The following TUBA8 variants were observed in gnomAD, a reference collection of about 807,000 sequenced individuals.
The protein encoded by TUBA8 is tubulin alpha 8, also known as tubulin alpha-8 chain.
A neutral mutation model predicts 34.7 loss-of-function variants in TUBA8; 29 were observed. That is an observed-to-expected ratio of 0.84 (90% CI 0.62 to 1.14). The LOEUF (loss-of-function observed/expected upper bound fraction) is 1.14, where lower values mean the gene tolerates loss of function less well. TUBA8 is among the 50% of genes most tolerant of loss of function. The pLI, the probability that TUBA8 is intolerant of heterozygous loss-of-function variation, is 0.00. For synonymous variants in TUBA8, 226 were observed against 231.2 expected, an observed-to-expected ratio of 0.98 and a Z score of 0.21; for missense variants, 541 against 599.2, an observed-to-expected ratio of 0.90 and a Z score of 1.01.
At position 18,126,557 on chromosome 22, in the gene TUBA8, C is replaced by G. The variant is rs1343098728; in HGVS notation, c.579C>G (p.Thr193=). Reference sequence around the variant, plus strand: ...ACAACTCCATCCTGACCACCCACACCACACTGGAACATTCAGATTGTGCTT... The same window carrying G: ...ACAACTCCATCCTGACCACCCACACGACACTGGAACATTCAGATTGTGCTT... ...EPYNSILTTH[T]TLEHSDCAFM... Residue 193 remains threonine (T), a synonymous_variant, in exon 4 of 5, where the codon ACC becomes ACG. Transcript: ENST00000330423. This position sits in a 1 kb window ranked among gnomAD's most constrained non-coding sequence, Gnocchi z 4.0. 3 of 1,614,058 alleles carry G rather than the reference C, an allele frequency of 1.9e-6. No individual in the cohort carries two copies. The highest frequency in any genetic ancestry group is 2.7e-5 in the African/African-American group (2 of 74,910).
intron 1 of TUBA8, chr22:18,117,923 C>G (rs1928023631): frequency 6.6e-6 from 1 of 151,928 alleles, no homozygotes; most frequent in Non-Finnish European, 1.5e-5. Context: ...CCCTGTGTTT[C>G]CTGTGAAGTG....
rs752067950 is a variant in TUBA8, at chr22:18,126,539, C to T, written c.561C>T (p.Ser187=). Reference sequence around the variant, plus strand: ...CTGCAGTGGTGGAGCCCTACAACTCCATCCTGACCACCCACACCACACTGG... The same window carrying T: ...CTGCAGTGGTGGAGCCCTACAACTCTATCCTGACCACCCACACCACACTGG... ...VSTAVVEPYN[S]ILTTHTTLEH... is the part of the protein sequence containing the mutation. The change falls in exon 4 of 5, where the codon TCC becomes TCT. Residue 187 remains serine, a synonymous_variant. Coordinates refer to ENST00000330423, the MANE Select transcript of TUBA8 (RefSeq NM_018943.3). This position sits in a 1 kb window ranked among gnomAD's most constrained non-coding sequence, Gnocchi z 4.0. 4 of 1,614,184 alleles carry T rather than the reference C, an allele frequency of 2.5e-6. No individual in the cohort carries two copies. Among genetic ancestry groups the T allele is most frequent in the Non-Finnish European group, 2.5e-6 (3 of 1,180,048 alleles).
rs2123705692 is a variant in TUBA8, at chr22:18,126,655, A to G, written c.677A>G (p.Asn226Ser). ...GACATTGAGCGCCCTACCTATACCA[A>G]CCTCAACCGCCTCATCAGTCAGATT... ...NLDIERPTYT[N>S]LNRLISQIVS... Residue 226 changes from asparagine (N) to serine (S), a missense_variant, in exon 4 of 5, where the codon AAC becomes AGC. Physicochemically the swap from Asn to Ser is conservative, Grantham distance 46 (BLOSUM62 1). Coordinates refer to ENST00000330423, the MANE Select transcript of TUBA8 (RefSeq NM_018943.3). The surrounding 1 kb of genome is among the most constrained non-coding windows in gnomAD (Gnocchi z 4.0). 1.2e-6 allele frequency: 2 copies of G among 1,613,406 alleles called. No individual in the cohort carries two copies. The highest frequency in any genetic ancestry group is 1.7e-6 in the Non-Finnish European group (2 of 1,179,810).
intron 4 of TUBA8, chr22:18,129,566 A>G (rs1026325292): frequency 2.0e-5 from 3 of 152,130 alleles, no homozygotes; most frequent in Non-Finnish European, 4.4e-5. Flanking sequence ...ATTCATATAC[A>G]TTGCCTTTCC....
Position 18,123,949 on chromosome 22 carries a change from C to G in TUBA8, c.227-207C>G. 3.2e-6 allele frequency: 2 copies of G among 617,354 alleles called. 1 individual carries two copies. Among genetic ancestry groups the G allele is most frequent in the South Asian group, 3.7e-5 (2 of 54,254 alleles). The allele number at this position is 617,354 out of a possible 1,614,324, so 38.2% of individuals were successfully genotyped here. A position where few individuals can be genotyped will look rare whatever the true frequency, so the allele number is the denominator to read the frequency against. On this transcript the variant is annotated intron_variant, in intron 2 of 4. Coordinates refer to ENST00000330423, the MANE Select transcript of TUBA8 (RefSeq NM_018943.3). ...AGGGCAGCCTGCTTCTCACCGCCCACATGAGCCACAGGCCTTGGCTCTGTT... is the reference window on the plus strand; with the variant it reads ...AGGGCAGCCTGCTTCTCACCGCCCAGATGAGCCACAGGCCTTGGCTCTGTT...
Position 18,121,310 on chromosome 22 carries a change from T to G in TUBA8, c.4-169T>G. Reference sequence around the variant, plus strand: ...AAAACAGCTGTGTCTTCTTTGGATCTAAGTCCTGGTCCAGCTGCTATAGAG... The same window carrying G: ...AAAACAGCTGTGTCTTCTTTGGATCGAAGTCCTGGTCCAGCTGCTATAGAG... On this transcript the variant is annotated intron_variant, in intron 1 of 4. Transcript: ENST00000330423. This position sits in a 1 kb window ranked among gnomAD's most constrained non-coding sequence, Gnocchi z 4.8. 1.6e-6 allele frequency: 1 copy of G among 641,050 alleles called. No individual in the cohort carries two copies. Among genetic ancestry groups the G allele is most frequent in the Non-Finnish European group, 2.9e-6 (1 of 349,664 alleles). The allele number at this position is 641,050 out of a possible 1,614,324, so 39.7% of individuals were successfully genotyped here. A position where few individuals can be genotyped will look rare whatever the true frequency, so the allele number is the denominator to read the frequency against.
chr22:18,111,006 C>CCAAAATAA lies in TUBA8; in HGVS notation c.3+138_3+139insCAAAATAA. On this transcript the variant is annotated intron_variant, in intron 1 of 4. Coordinates refer to ENST00000330423, the MANE Select transcript of TUBA8 (RefSeq NM_018943.3). This position sits in a 1 kb window ranked among gnomAD's most constrained non-coding sequence, Gnocchi z 5.1. ...CCTTCTGGGGGTGGCAGTTCAGGGT[C>CCAAAATAA]GAGGAGTCCGCACCCTCGGGCGGGA... is the stretch of plus-strand genomic sequence containing the variant. The CCAAAATAA allele has an allele frequency of 7.6e-7, 1 of 1,320,826 alleles. No individual in the cohort carries two copies. The highest frequency in any genetic ancestry group is 1.0e-6 in the Non-Finnish European group (1 of 956,898). 81.8% of individuals were successfully genotyped at this position (1,320,826 alleles called of 1,614,324 possible). A position where few individuals can be genotyped will look rare whatever the true frequency, so the allele number is the denominator to read the frequency against.
rs1204571647 is a variant in TUBA8 at position 18,124,186 on chromosome 22, T to A, written c.257T>A (p.Leu86His). 1 of 1,614,070 alleles carries A rather than the reference T, an allele frequency of 6.2e-7. No homozygotes were observed. Among genetic ancestry groups the A allele is most frequent in the Non-Finnish European group, 8.5e-7 (1 of 1,180,032 alleles). The change falls in exon 3 of 5, where the codon CTC becomes CAC. Residue 86 changes from leucine (L) to histidine (H), a missense_variant. Leu to His is a moderately conservative substitution (Grantham distance 99). Transcript: ENST00000330423. This position sits in a 1 kb window ranked among gnomAD's most constrained non-coding sequence, Gnocchi z 4.3. The part of the protein sequence containing the change: ...DEVRAGTYRQ[L>H]FHPEQLITGK... ...GTTCGGGCAGGAACCTACCGCCAGC[T>A]CTTCCATCCAGAGCAGCTGATCACA...
chr22:18,119,206 C>T lies in TUBA8; in HGVS notation c.4-2273C>T, dbSNP rs555504231. The T allele has an allele frequency of 6.6e-6, 1 of 152,388 alleles. No individual in the cohort carries two copies. The highest frequency in any genetic ancestry group is 1.9e-4 in the East Asian group (1 of 5,184). 9.4% of individuals were successfully genotyped at this position (152,388 alleles called of 1,614,324 possible). A position where few individuals can be genotyped will look rare whatever the true frequency, so the allele number is the denominator to read the frequency against. ...CACAGCCACATGCTGAATGTGACGC[C>T]GTGGTCTGGGTGGATAACTCGCTGG... On this transcript the variant is annotated intron_variant, in intron 1 of 4. Coordinates refer to ENST00000330423, the MANE Select transcript of TUBA8 (RefSeq NM_018943.3). This position sits in a 1 kb window ranked among gnomAD's most constrained non-coding sequence, Gnocchi z 5.9.
Position 18,124,026 on chromosome 22 carries a change from G to A in TUBA8, c.227-130G>A. The A allele has an allele frequency of 9.0e-7, 1 of 1,105,910 alleles. No individual in the cohort carries two copies. The highest frequency in any genetic ancestry group is 1.3e-6 in the Non-Finnish European group (1 of 743,072). 68.5% of individuals were successfully genotyped at this position (1,105,910 alleles called of 1,614,324 possible). A position where few individuals can be genotyped will look rare whatever the true frequency, so the allele number is the denominator to read the frequency against. On this transcript the variant is annotated intron_variant, in intron 2 of 4. Transcript: ENST00000330423. This position sits in a 1 kb window ranked among gnomAD's most constrained non-coding sequence, Gnocchi z 4.3. Reference sequence around the variant, plus strand: ...TTAGCCTTTTGCAGATTCATTACGAGGTGGTCTGGCTTCAAACCTCCATGG... The same window carrying A: ...TTAGCCTTTTGCAGATTCATTACGAAGTGGTCTGGCTTCAAACCTCCATGG...
At position 18,121,776 on chromosome 22, in the gene TUBA8, A is replaced by ATCCTT; in HGVS notation, c.226+75_226+76insTCCTT. On this transcript the variant is annotated intron_variant, in intron 2 of 4. Coordinates refer to ENST00000330423, the MANE Select transcript of TUBA8 (RefSeq NM_018943.3). The surrounding 1 kb of genome is among the most constrained non-coding windows in gnomAD (Gnocchi z 4.8). Reference sequence around the variant, plus strand: ...AGGCATTGGCCCACAGTAGCTAAGGAAGCAGCGTCTCTAGCTGGAAGGTGG... The same window carrying ATCCTT: ...AGGCATTGGCCCACAGTAGCTAAGGATCCTTAGCAGCGTCTCTAGCTGGAAGGTGG... 7.0e-7 allele frequency: 1 copy of ATCCTT among 1,433,886 alleles called. No homozygotes were observed. Among genetic ancestry groups the ATCCTT allele is most frequent in the African/African-American group, 1.4e-5 (1 of 71,540 alleles). The allele number at this position is 1,433,886 out of a possible 1,614,324, so 88.8% of individuals were successfully genotyped here.
In TUBA8 at chr22:18,131,244, C is replaced by T. The variant is rs2234339; in HGVS notation, c.*108C>T. The T allele has an allele frequency of 1.5e-3, 1,921 of 1,296,322 alleles. 26 individuals carry two copies. In the African/African-American group the frequency reaches 0.024, roughly 17 times the overall value. 80.3% of individuals were successfully genotyped at this position (1,296,322 alleles called of 1,614,324 possible). A position where few individuals can be genotyped will look rare whatever the true frequency, so the allele number is the denominator to read the frequency against. ...CCGCCCCAGCCTGATTCCTGCCTTA[C>T]CCAGGAGGAGGGTGCCTGGCCCCAG... On this transcript the variant is annotated 3_prime_UTR_variant, in exon 5 of 5. Coordinates refer to ENST00000330423, the MANE Select transcript of TUBA8 (RefSeq NM_018943.3). This position sits in a 1 kb window ranked among gnomAD's most constrained non-coding sequence, Gnocchi z 5.3.
rs1451104587 is a variant in TUBA8, at chr22:18,124,528, C to CA, written c.375+225dup. On this transcript the variant is annotated intron_variant, in intron 3 of 4. Transcript: ENST00000330423. This position sits in a 1 kb window ranked among gnomAD's most constrained non-coding sequence, Gnocchi z 4.3. ...CTGTGTTCCAGGCTGAGGCCCTACTCATACTCATTGATACTCTCTGTTAGT... is the reference window on the plus strand; with the variant it reads ...CTGTGTTCCAGGCTGAGGCCCTACTCAATACTCATTGATACTCTCTGTTAGT... The CA allele has an allele frequency of 1.8e-5, 10 of 552,492 alleles. No homozygotes were observed. Among genetic ancestry groups the CA allele is most frequent in the African/African-American group, 1.5e-4 (8 of 53,190 alleles). 34.2% of individuals were successfully genotyped at this position (552,492 alleles called of 1,614,324 possible).
rs199691776 is a variant in TUBA8, at chr22:18,124,211, A to G, written c.282A>G (p.Thr94=). The change falls in exon 3 of 5, where the codon ACA becomes ACG. Residue 94 remains threonine (T), a synonymous_variant. Transcript: ENST00000330423. The surrounding 1 kb of genome is among the most constrained non-coding windows in gnomAD (Gnocchi z 4.3). ...RQLFHPEQLI[T]GKEDAANNYA... is the part of the protein sequence containing the mutation. ...TCTTCCATCCAGAGCAGCTGATCACAGGAAAGGAGGATGCAGCCAACAACT... is the reference window on the plus strand; with the variant it reads ...TCTTCCATCCAGAGCAGCTGATCACGGGAAAGGAGGATGCAGCCAACAACT... The G allele has an allele frequency of 4.5e-5, 73 of 1,614,182 alleles. No individual in the cohort carries two copies. In the East Asian group the frequency reaches 4.9e-4, roughly 11 times the overall value.
chr22:18,125,991 A>G (rs564447186), intron 3 of TUBA8: 1 of 297,458 alleles, frequency 3.4e-6, no homozygotes, highest in Non-Finnish European at 6.4e-6. Flanking sequence ...CATCCCAAGT[A>G]ACTGGGACTA....
At chr22:18,129,309 C>G (rs1187233465) in intron 4 of TUBA8, 1 of 152,184 alleles carries the variant, frequency 6.6e-6, no homozygotes, top group Non-Finnish European at 1.5e-5. Flanking sequence ...CTCATTCTCT[C>G]TCCTTAAAGC....
rs764698965 is a variant in TUBA8 at position 18,110,862 on chromosome 22, A to G, written c.-4A>G. 2 of 1,546,900 alleles carry G rather than the reference A, an allele frequency of 1.3e-6. No individual in the cohort carries two copies. Among genetic ancestry groups the G allele is most frequent in the South Asian group, 2.4e-5 (2 of 84,838 alleles). ...GAGGTGCGCGGGCGAGGACAGCGGC[A>G]GCGATGGTGAGGCTTCCCGGGGCCA... On this transcript the variant is annotated 5_prime_UTR_variant, in exon 1 of 5. Coordinates refer to ENST00000330423, the MANE Select transcript of TUBA8 (RefSeq NM_018943.3). The surrounding 1 kb of genome is among the most constrained non-coding windows in gnomAD (Gnocchi z 6.2).
chr22:18,121,849 C>T lies in TUBA8; in HGVS notation c.226+148C>T. ...CACCCCACGTGACATCTGTCAGCTC[C>T]TTGGGGTCCCCACAGTCTCGGGGAA... is the stretch of plus-strand genomic sequence containing the variant. On this transcript the variant is annotated intron_variant, in intron 2 of 4. Transcript: ENST00000330423. The surrounding 1 kb of genome is among the most constrained non-coding windows in gnomAD (Gnocchi z 4.8). The T allele has an allele frequency of 1.4e-6, 1 of 710,112 alleles. No homozygotes were observed. The highest frequency in any genetic ancestry group is 2.4e-6 in the Non-Finnish European group (1 of 418,730). The allele number at this position is 710,112 out of a possible 1,614,324, so 44.0% of individuals were successfully genotyped here. A position where few individuals can be genotyped will look rare whatever the true frequency, so the allele number is the denominator to read the frequency against.
intron 4 of TUBA8, chr22:18,129,354 T>C (rs947040907): frequency 1.3e-5 from 2 of 152,224 alleles, no homozygotes; most frequent in African/African-American, 4.8e-5. Context: ...AGGATCATTA[T>C]GGTAGCATTA....
Sources: gnomAD v4.1 joint callset for allele counts on GRCh38, gnomAD v4.1.1 for gene constraint, Gnocchi (gnomAD v3.1) non-coding constraint, MANE v1.5 for transcripts, NCBI Gene and HGNC (gene_info 2026-07-23, HGNC 2026-07-21) for gene names.